Variants in CUX2 observed in about 807,000 individuals in gnomAD.
The protein encoded by CUX2 is homeobox protein cut-like 2.
Under a neutral mutation model 144.8 loss-of-function variants are expected in CUX2, and 40 were observed. The observed-to-expected ratio is 0.28, with a 90% CI of 0.21 to 0.36. The LOEUF is 0.36. Ranked by LOEUF, CUX2 falls within the 10% of genes least tolerant of loss-of-function variation. CUX2 has a pLI of 1.00. For missense variants in CUX2, 1,615 were observed against 1,994.0 expected (o/e 0.81, Z 3.62); for synonymous variants, 827 against 875.6 (o/e 0.94, Z 0.98).
chr12:111,295,312 G>A lies in CUX2; in HGVS notation c.561-21G>A. 6.2e-7 allele frequency: 1 copy of A among 1,608,756 alleles called. No individual in the cohort carries two copies. The highest frequency in any genetic ancestry group is 8.5e-7 in the Non-Finnish European group (1 of 1,177,920). On this transcript the variant is annotated intron_variant, in intron 6 of 21. Transcript: ENST00000261726. This position sits in a 1 kb window ranked among gnomAD's most constrained non-coding sequence, Gnocchi z 5.0. The stretch of plus-strand genomic sequence containing the variant: ...AGGCCTGTCCCTGCAGCCAGCACAA[G>A]CAGGCCTCGTCTCTCCGCAGGGGCC...
At chr12:111,064,260 G>T (rs1183884490) in intron 1 of CUX2, among the ~76,000 whole-genome samples, 1 of 152,188 alleles carries the variant, frequency 6.6e-6, no homozygotes, top group Non-Finnish European at 1.5e-5. Context: ...AGGTGAGAGG[G>T]TTTGACTCTG....
intron 4 of CUX2, among the ~76,000 whole-genome samples, chr12:111,283,767 A>G (rs1179361947): frequency 3.3e-5 from 5 of 152,052 alleles, no homozygotes; most frequent in Non-Finnish European, 7.4e-5. Flanking sequence ...GAGGGGTTTC[A>G]CCATGTTGGT....
rs1000215848 is a variant in CUX2, at chr12:111,190,405, G to A, written c.64-23795G>A. ...GATTATCTTTCAGCTAGTTATTCAC[G>A]CACACACCCCACACTCTTGTTCCTG... On this transcript the variant is annotated intron_variant, in intron 1 of 21. Coordinates refer to ENST00000261726, the MANE Select transcript of CUX2 (RefSeq NM_015267.4). This position sits in a 1 kb window ranked among gnomAD's most constrained non-coding sequence, Gnocchi z 4.0. Among the ~76,000 whole-genome samples the A allele has an allele frequency of 7.2e-5, 11 of 152,106 alleles. No individual in the cohort carries two copies. Among genetic ancestry groups the A allele is most frequent in the Middle Eastern group, 6.8e-3 (2 of 294 alleles).
intron 1 of CUX2, among the ~76,000 whole-genome samples, chr12:111,209,789 G>A (rs962093898): frequency 2.0e-5 from 3 of 152,136 alleles, no homozygotes; most frequent in Non-Finnish European, 2.9e-5. Flanking sequence ...CCCGGTCCCG[G>A]GTGCAGCTCA....
At chr12:111,145,815 C>T (rs1002922500) in intron 1 of CUX2, among the ~76,000 whole-genome samples, 10 of 151,966 alleles carry the variant, frequency 6.6e-5, no homozygotes, top group Non-Finnish European at 1.2e-4. Context: ...TACAGCCATG[C>T]GCCACCACAC....
At chr12:111,130,274 T>G (rs1875382790) in intron 1 of CUX2, among the ~76,000 whole-genome samples, 1 of 152,228 alleles carries the variant, frequency 6.6e-6, no homozygotes, top group Non-Finnish European at 1.5e-5. Context: ...GTTTTTATGA[T>G]TCAGGTTAAA....
intron 19 of CUX2, among the ~76,000 whole-genome samples, chr12:111,335,818 C>T (rs551622336): frequency 5.3e-5 from 8 of 151,996 alleles, no homozygotes; most frequent in African/African-American, 1.4e-4. Context: ...AGGCAGGAGG[C>T]CTGCACGAGC....
At chr12:111,159,035 G>A (rs1057327798) in intron 1 of CUX2, among the ~76,000 whole-genome samples, 8 of 152,168 alleles carry the variant, frequency 5.3e-5, no homozygotes, top group African/African-American at 1.9e-4. Flanking sequence ...GGGCTGTGTG[G>A]ACCCCCATTT....
chr12:111,065,523 A>G (rs186639934), intron 1 of CUX2, among the ~76,000 whole-genome samples: 234 of 152,262 alleles, frequency 1.5e-3, no homozygotes, highest in Non-Finnish European at 2.5e-3. Context: ...TTTAGTAGAG[A>G]CGGGGTTTGA....
At position 111,214,082 on chromosome 12, in the gene CUX2, T is replaced by C. The variant is rs1182952198; in HGVS notation, c.64-118T>C. The C allele has an allele frequency of 8.2e-6, 4 of 489,692 alleles. No individual in the cohort carries two copies. The Admixed American group carries it at 1.2e-4, about 15-fold the overall frequency. 30.3% of individuals were successfully genotyped at this position (489,692 alleles called of 1,614,324 possible). On this transcript the variant is annotated intron_variant, in intron 1 of 21. Transcript: ENST00000261726. ...TCAATATCCTGTCTTTTCTCAGCTTTGTAAGTTAAGAAAACTTGTTCAGAA... is the reference window on the plus strand; with the variant it reads ...TCAATATCCTGTCTTTTCTCAGCTTCGTAAGTTAAGAAAACTTGTTCAGAA...
In CUX2 at chr12:111,341,969, A is replaced by T. The variant is rs1231350618; in HGVS notation, c.3575A>T (p.Tyr1192Phe). The stretch of plus-strand genomic sequence containing the variant: ...CGGAAGGCCTATCAGCTGGAACCCT[A>T]CCCCTCGCAGCAGACCATCGAGCTC... ...ALRKAYQLEP[Y>F]PSQQTIELLS... The change falls in exon 21 of 22, where the codon TAC (tyrosine) becomes TTC (phenylalanine). Residue 1192 changes from tyrosine to phenylalanine, a missense_variant. Tyr to Phe is a conservative substitution (Grantham distance 22). This residue lies in a region of CUX2 where 131 missense variants were observed against 223.1 expected (regional missense o/e 0.59). Coordinates refer to ENST00000261726, the MANE Select transcript of CUX2 (RefSeq NM_015267.4). The T allele has an allele frequency of 6.2e-7, 1 of 1,613,824 alleles. No individual in the cohort carries two copies.
chr12:111,227,157 T>C (rs1296033020), intron 3 of CUX2, among the ~76,000 whole-genome samples: 1 of 152,196 alleles, frequency 6.6e-6, no homozygotes, highest in Admixed American at 6.5e-5. Context: ...GGTGTGGCGC[T>C]AGATGCAGGG....
At chr12:111,110,026 C>G (rs1168322482) in intron 1 of CUX2, among the ~76,000 whole-genome samples, 1 of 151,658 alleles carries the variant, frequency 6.6e-6, no homozygotes, top group Non-Finnish European at 1.5e-5. Context: ...CAGGTGCCCA[C>G]CACCACACTC....
intron 1 of CUX2, among the ~76,000 whole-genome samples, chr12:111,212,999 A>G (rs1339180543): frequency 6.6e-6 from 1 of 152,206 alleles, no homozygotes; most frequent in Non-Finnish European, 1.5e-5. Flanking sequence ...GTGATGACAA[A>G]TGGGGTCTTT....
chr12:111,115,182 G>T (rs1874210891), intron 1 of CUX2, among the ~76,000 whole-genome samples: 1 of 151,254 alleles, frequency 6.6e-6, no homozygotes, highest in Non-Finnish European at 1.5e-5. Flanking sequence ...TTTAGAATTG[G>T]CTTTTCAATT....
chr12:111,057,956 A>G lies in CUX2; in HGVS notation c.63+23716A>G, dbSNP rs1171253576. ...AAGCATGTAATTTGGCCCCTCAGGC[A>G]ACAGCACTTTTGAAATCTCTGGATA... On this transcript the variant is annotated intron_variant, in intron 1 of 21. Coordinates refer to ENST00000261726, the MANE Select transcript of CUX2 (RefSeq NM_015267.4). This position sits in a 1 kb window ranked among gnomAD's most constrained non-coding sequence, Gnocchi z 5.1. 6.6e-6 allele frequency among the ~76,000 whole-genome samples: 1 copy of G among 152,240 alleles called. No individual in the cohort carries two copies. Among genetic ancestry groups the G allele is most frequent in the Non-Finnish European group, 1.5e-5 (1 of 68,046 alleles).
In CUX2 at chr12:111,348,419, T is replaced by C. The variant is rs1888922257; in HGVS notation, c.*94T>C. 1.7e-6 allele frequency: 2 copies of C among 1,176,974 alleles called. No homozygotes were observed. The highest frequency in any genetic ancestry group is 2.2e-5 in the Admixed American group (1 of 44,674). The allele number at this position is 1,176,974 out of a possible 1,614,324, so 72.9% of individuals were successfully genotyped here. ...AGGATGGGGTAAGGGAGGGAGGAAC[T>C]CAACCATCAAAATGTGGACAGCAAT... On this transcript the variant is annotated 3_prime_UTR_variant, in exon 22 of 22. Transcript: ENST00000261726.
chr12:111,328,580 T>TTGTGTG (rs568983449), intron 18 of CUX2, among the ~76,000 whole-genome samples: 12,229 of 135,690 alleles, frequency 0.09, 601 homozygotes, highest in East Asian at 0.15. Context: ...CCAATTTCTT[T>TTGTGTG]TGTGTGTGTG....
At chr12:111,334,823 C>A in intron 19 of CUX2, 113 bp downstream of exon 19, 1 of 1,194,586 alleles carries the variant, frequency 8.4e-7, no homozygotes, top group Non-Finnish European at 1.2e-6. Flanking sequence ...AATTCCAGTG[C>A]TTTGGGAGGC....
Sources: gnomAD v4.1 joint callset for allele counts (sites outside exome capture counted in the v4.1 genomes callset) on GRCh38, gnomAD v4.1.1 for gene constraint, gnomAD v4.1.1 regional missense constraint, Gnocchi (gnomAD v3.1) non-coding constraint, MANE v1.5 for transcripts, NCBI Gene and HGNC (gene_info 2026-07-23, HGNC 2026-07-21) for gene names.